MAP4K4: variants seen among roughly 807,000 people sequenced by gnomAD.
MAP4K4 encodes the protein HPK/GCK-like kinase HGK.
In MAP4K4, 38 loss-of-function variants were observed where a neutral mutation model predicts 189.6. The ratio of observed to expected loss-of-function variants is 0.20; its 90% CI spans 0.15 to 0.26. MAP4K4 has a LOEUF of 0.26. Ranked by LOEUF, MAP4K4 falls within the 10% of genes least tolerant of loss-of-function variation. MAP4K4 has a pLI of 1.00. For missense variants in MAP4K4, 1,054 were observed against 1,726.9 expected, an observed-to-expected ratio of 0.61 and a Z score of 6.91; for synonymous variants, 610 against 624.3, an observed-to-expected ratio of 0.98 and a Z score of 0.34.
At chr2:101,758,994 G>A (rs1253694136) in intron 2 of MAP4K4, among the ~76,000 whole-genome samples, 2 of 151,940 alleles carry the variant, frequency 1.3e-5, no homozygotes, top group African/African-American at 2.4e-5. Flanking sequence ...TTAGCCGGGC[G>A]TGGTGGCAGG....
At chr2:101,891,987 T>TAAAAA (rs60620198) in exon 33 of MAP4K4, 1 of 59,816 alleles carries the variant, frequency 1.7e-5, no homozygotes, top group African/African-American at 7.3e-5. Context: ...CAGATGGTTC[T>TAAAAA]AAAAAAAAAA....
At chr2:101,711,315 T>C (rs972311497) in intron 2 of MAP4K4, among the ~76,000 whole-genome samples, 2 of 152,136 alleles carry the variant, frequency 1.3e-5, no homozygotes, top group Non-Finnish European at 2.9e-5. Flanking sequence ...TTTTGCTTTT[T>C]TTTTTAAGAC....
chr2:101,844,126 T>C (rs1326951973), exon 12 of MAP4K4: 4 of 1,612,238 alleles, frequency 2.5e-6, no homozygotes, highest in South Asian at 1.1e-5. Flanking sequence ...GCCTGGTGAG[T>C]CTACTCTTCG....
chr2:101,847,289 A>G (rs2097140138), intron 12 of MAP4K4, among the ~76,000 whole-genome samples: 1 of 152,232 alleles, frequency 6.6e-6, no homozygotes, highest in African/African-American at 2.4e-5. Context: ...TATTTACTAT[A>G]TTATACTTTT....
At chr2:101,867,253 A>C in exon 20 of MAP4K4, 1 of 1,607,490 alleles carries the variant, frequency 6.2e-7, no homozygotes, top group Non-Finnish European at 8.5e-7. Flanking sequence ...GCGCCTGGAA[A>C]ATGCAGTGAA....
chr2:101,831,682 G>GT (rs1488072601), intron 6 of MAP4K4, 39 bp from the exon 7 acceptor site: 1 of 1,564,232 alleles, frequency 6.4e-7, no homozygotes, highest in Non-Finnish European at 8.7e-7. Context: ...TTGTAGTTGT[G>GT]TTTATCTTTC....
chr2:101,751,713 A>C (rs974859565), intron 2 of MAP4K4, among the ~76,000 whole-genome samples: 51 of 152,326 alleles, frequency 3.3e-4, no homozygotes, highest in African/African-American at 1.1e-3. Context: ...TGCTGAAACT[A>C]AACTGGCTTT....
intron 2 of MAP4K4, among the ~76,000 whole-genome samples, chr2:101,757,059 C>T (rs1558759618): frequency 6.6e-6 from 1 of 152,072 alleles, no homozygotes; most frequent in Non-Finnish European, 1.5e-5. Context: ...AGGTCTCATT[C>T]ACCTCTTGAG....
chr2:101,699,284 G>A (rs1573668793), intron 2 of MAP4K4, among the ~76,000 whole-genome samples: 1 of 152,286 alleles, frequency 6.6e-6, no homozygotes, highest in East Asian at 1.9e-4. Context: ...CCACCCCAGC[G>A]ATAAATGAAA....
At chr2:101,730,927 G>T (rs1269473970) in intron 2 of MAP4K4, among the ~76,000 whole-genome samples, 1 of 151,536 alleles carries the variant, frequency 6.6e-6, no homozygotes, top group Non-Finnish European at 1.5e-5. Flanking sequence ...GGCACCTGTA[G>T]TCCCAACTAC....
intron 2 of MAP4K4, among the ~76,000 whole-genome samples, chr2:101,716,668 T>A (rs926191038): frequency 6.6e-6 from 1 of 152,314 alleles, no homozygotes; most frequent in African/African-American, 2.4e-5. Context: ...TCTTTGTTCA[T>A]ACTTTTGTAG....
At chr2:101,821,866 A>C (rs2096075563) in intron 3 of MAP4K4, among the ~76,000 whole-genome samples, 1 of 152,230 alleles carries the variant, frequency 6.6e-6, no homozygotes, top group Non-Finnish European at 1.5e-5. Flanking sequence ...TTCTTTTTAA[A>C]TATCTTTGTA....
chr2:101,820,678 C>T (rs961441798), intron 3 of MAP4K4, among the ~76,000 whole-genome samples: 5 of 152,186 alleles, frequency 3.3e-5, no homozygotes, highest in African/African-American at 1.2e-4. Context: ...TGTGCTAAGT[C>T]TTTTCAGGAG....
intron 20 of MAP4K4, 25 bp downstream of exon 20, chr2:101,867,334 T>C (rs2097846136): frequency 6.4e-7 from 1 of 1,550,688 alleles, no homozygotes; most frequent in African/African-American, 1.4e-5. Flanking sequence ...GGATCAGTTT[T>C]ACTTATTTCA....
chr2:101,770,974 A>C lies in MAP4K4; in HGVS notation c.124-19746A>C, dbSNP rs1575254831. Among the ~76,000 whole-genome samples, 5 of 152,310 alleles carry C rather than the reference A, an allele frequency of 3.3e-5. No homozygotes were observed. In the East Asian group the frequency reaches 9.6e-4, roughly 29 times the overall value. ...TGTGTAGGCTCTACCTGATTGATTC[A>C]TTCAGTAACCATCCAAGTTGAATAT... On this transcript the variant is annotated intron_variant, in intron 2 of 32. Coordinates refer to ENST00000324219, the Ensembl canonical transcript of MAP4K4.
rs185308545 is a variant in MAP4K4, at chr2:101,878,119, C to A, written c.3385+973C>A. ...TGTAATATAAACTAGTACAGGAAAACAACTACAAGAAATAAAAAGTAGAAT... is the reference window on the plus strand; with the variant it reads ...TGTAATATAAACTAGTACAGGAAAAAAACTACAAGAAATAAAAAGTAGAAT... On this transcript the variant is annotated intron_variant, in intron 27 of 32. Coordinates refer to ENST00000324219, the Ensembl canonical transcript of MAP4K4. Among the ~76,000 whole-genome samples the A allele has an allele frequency of 4.2e-3, 639 of 152,288 alleles. 1 individual carries two copies. Among genetic ancestry groups the A allele is most frequent in the Non-Finnish European group, 7.6e-3 (520 of 68,020 alleles).
In MAP4K4 at chr2:101,870,418, A is replaced by G. The variant is rs889531788; in HGVS notation, c.2760+3A>G. The G allele has an allele frequency of 1.2e-6, 2 of 1,613,246 alleles. No individual in the cohort carries two copies. The highest frequency in any genetic ancestry group is 1.3e-5 in the African/African-American group (1 of 74,904). On this transcript the variant is annotated splice_donor_region_variant and intron_variant, in intron 23 of 32. Transcript: ENST00000324219. ...AGGGCACTCTAATCGTCCGCCAGGT[A>G]CCCGTGTCTTCTCTGTTGTCAGAGG...
At chr2:101,766,545 T>G (rs546875185) in intron 2 of MAP4K4, among the ~76,000 whole-genome samples, 13 of 152,284 alleles carry the variant, frequency 8.5e-5, no homozygotes, top group Admixed American at 1.3e-4. Context: ...GTTGGGTAAT[T>G]TTGGAGGAAG....
At chr2:101,740,667 G>A (rs2062335938) in intron 2 of MAP4K4, among the ~76,000 whole-genome samples, 1 of 152,110 alleles carries the variant, frequency 6.6e-6, no homozygotes, top group South Asian at 2.1e-4. Context: ...AGAAAGCAAT[G>A]TTGACTTTCA....
Sources: allele counts gnomAD v4.1 joint callset (sites outside exome capture counted in the v4.1 genomes callset), GRCh38; gene constraint gnomAD v4.1.1; transcripts MANE v1.5; gene names NCBI Gene and HGNC (gene_info 2026-07-23, HGNC 2026-07-21).